The following AHRR variants were observed in gnomAD, a reference collection of about 807,000 sequenced individuals.
AHRR encodes ahR repressor.
AHRR carries 28 observed loss-of-function variants against 44.0 expected under a neutral mutation model. The observed-to-expected ratio is 0.64, with a 90% confidence interval of 0.47 to 0.87. The LOEUF (loss-of-function observed/expected upper bound fraction) is 0.87, where lower values mean the gene tolerates loss of function less well. AHRR is among the 40% of genes least tolerant of loss of function. The probability of loss-of-function intolerance (pLI) is 0.00; values close to 1 mark genes in which losing one functional copy is unlikely to be tolerated. For missense variants in AHRR, 990 were observed against 953.9 expected, an observed-to-expected ratio of 1.04 and a Z score of -0.50; for synonymous variants, 434 against 407.0, an observed-to-expected ratio of 1.07 and a Z score of -0.80.
intron 1 of AHRR, among the ~76,000 whole-genome samples, chr5:340,857 T>A (rs867894135): frequency 4.1e-4 from 60 of 147,582 alleles, no homozygotes; most frequent in African/African-American, 1.3e-3. Flanking sequence ...CCACCATGCC[T>A]GGCTAATTTT....
intron 6 of AHRR, among the ~76,000 whole-genome samples, chr5:423,476 C>T (rs1298192869): frequency 3.9e-5 from 6 of 152,168 alleles, no homozygotes; most frequent in South Asian, 4.1e-4. Flanking sequence ...TGGGTTCTCT[C>T]GCACGTATCC....
At position 354,313 on chromosome 5, in the gene AHRR, T is replaced by A. The variant is rs186142247; in HGVS notation, c.244+402T>A. Among the ~76,000 whole-genome samples the A allele has an allele frequency of 1.7e-3, 258 of 152,258 alleles. 1 individual carries two copies. Among genetic ancestry groups the A allele is most frequent in the African/African-American group, 5.8e-3 (242 of 41,560 alleles). ...GGCTCCAGGGAATGAGGGATCGGCT[T>A]TGTGGATGAGCAGGGCTGGGCATGG... On this transcript the variant is annotated intron_variant, in intron 3 of 10. Coordinates refer to ENST00000684583, the MANE Select transcript of AHRR (RefSeq NM_001377236.1).
chr5:389,697 G>A (rs1734325779), intron 4 of AHRR, among the ~76,000 whole-genome samples: 1 of 151,890 alleles, frequency 6.6e-6, no homozygotes, highest in African/African-American at 2.4e-5. Flanking sequence ...GGGTCTGACG[G>A]CCCAGAGAAA....
intron 1 of AHRR, among the ~76,000 whole-genome samples, chr5:323,150 CT>C (rs1481516370): frequency 6.6e-6 from 1 of 152,200 alleles, no homozygotes; most frequent in African/African-American, 2.4e-5. Flanking sequence ...GGGTCCTCCC[CT>C]GTCCCCCAAT....
chr5:370,209 C>T lies in AHRR; in HGVS notation c.245-6401C>T, dbSNP rs9799934. 4.0e-5 allele frequency among the ~76,000 whole-genome samples: 6 copies of T among 148,954 alleles called. No homozygotes were observed. Among genetic ancestry groups the T allele is most frequent in the Admixed American group, 6.7e-5 (1 of 14,992 alleles). On this transcript the variant is annotated intron_variant, in intron 3 of 10. Transcript: ENST00000684583. This position sits in a 1 kb window ranked among gnomAD's most constrained non-coding sequence, Gnocchi z 4.5. ...GGCCCTCGCTGGTGCCCCGTCCTCC[C>T]GGGCCCTCGCTGGAAGCCCCGTCCT...
At chr5:375,117 C>T (rs554968401) in intron 3 of AHRR, among the ~76,000 whole-genome samples, 1 of 152,362 alleles carries the variant, frequency 6.6e-6, no homozygotes, top group Admixed American at 6.5e-5. Flanking sequence ...AGGCCACACA[C>T]ATTTCAGAGC....
At chr5:327,057 T>C (rs1741737696) in intron 1 of AHRR, among the ~76,000 whole-genome samples, 1 of 152,164 alleles carries the variant, frequency 6.6e-6, no homozygotes, top group Non-Finnish European at 1.5e-5. Flanking sequence ...AGACTCTGTC[T>C]CAACAACAAC....
chr5:403,641 A>AG, intron 4 of AHRR: 1 of 416,948 alleles, frequency 2.4e-6, no homozygotes, highest in Non-Finnish European at 4.2e-6. Context: ...CCGTTTCAGA[A>AG]AAAAAAAAAA....
intron 8 of AHRR, chr5:432,091 G>A (rs1736757856): frequency 7.3e-6 from 2 of 272,292 alleles, no homozygotes; most frequent in Non-Finnish European, 1.4e-5. Context: ...ACTCACCTCA[G>A]TGTTCACTTC....
At chr5:428,128 G>T in intron 8 of AHRR, 122 bp downstream of exon 8, 1 of 1,184,792 alleles carries the variant, frequency 8.4e-7, no homozygotes, top group Non-Finnish European at 1.2e-6. Flanking sequence ...AGTCAGTTTC[G>T]TGTCGTAAAA....
intron 7 of AHRR, among the ~76,000 whole-genome samples, chr5:425,956 A>T (rs528427950): frequency 6.6e-6 from 1 of 152,272 alleles, no homozygotes; most frequent in South Asian, 2.1e-4. Context: ...CCCTCATGCC[A>T]CCCACAGGGC....
At chr5:403,503 G>A (rs759663696) in intron 4 of AHRR, among the ~76,000 whole-genome samples, 7 of 152,074 alleles carry the variant, frequency 4.6e-5, no homozygotes, top group East Asian at 1.9e-4. Flanking sequence ...GGGTGTGGTG[G>A]CGCATGCCTG....
chr5:369,203 T>TCA (rs753302756), intron 3 of AHRR, among the ~76,000 whole-genome samples: 2 of 152,296 alleles, frequency 1.3e-5, no homozygotes, highest in East Asian at 3.9e-4. Flanking sequence ...ATGCATTCCC[T>TCA]CACACTCTGT....
rs1491270820 is a variant in AHRR, at chr5:341,533, T to TG, written c.-10-2360_-10-2359insG. 7.7e-3 allele frequency among the ~76,000 whole-genome samples: 192 copies of TG among 25,098 alleles called. 1 individual carries two copies. Among genetic ancestry groups the TG allele is most frequent in the African/African-American group, 0.014 (181 of 13,340 alleles). 16.5% of individuals were successfully genotyped at this position (25,098 alleles called of 152,430 possible). A position where few individuals can be genotyped will look rare whatever the true frequency, so the allele number is the denominator to read the frequency against. ...CTTTCCTTTCCTTTCCTTTTCCTTC[T>TG]TTTTTTTTTTTTTGACAGAGCCTCA... is the stretch of plus-strand genomic sequence containing the variant. On this transcript the variant is annotated intron_variant, in intron 1 of 10. Transcript: ENST00000684583.
In AHRR at chr5:370,869, C is replaced by T. The variant is rs1267715558; in HGVS notation, c.245-5741C>T. ...GCCTGCCTTGGAGGCACCCAGAGCA[C>T]AGAGGCTGGGCCTGGTGTGGAGCTC... On this transcript the variant is annotated intron_variant, in intron 3 of 10. Coordinates refer to ENST00000684583, the MANE Select transcript of AHRR (RefSeq NM_001377236.1). This position sits in a 1 kb window ranked among gnomAD's most constrained non-coding sequence, Gnocchi z 4.5. 6.6e-6 allele frequency among the ~76,000 whole-genome samples: 1 copy of T among 152,194 alleles called. No individual in the cohort carries two copies. Among genetic ancestry groups the T allele is most frequent in the Non-Finnish European group, 1.5e-5 (1 of 68,028 alleles).
intron 3 of AHRR, among the ~76,000 whole-genome samples, chr5:359,389 G>A (rs568926678): frequency 2.7e-5 from 3 of 110,626 alleles, no homozygotes; most frequent in East Asian, 4.8e-4. Flanking sequence ...AAGAGCGCCC[G>A]CGAGTGGAGG....
chr5:376,862 C>T (rs1421338195), intron 4 of AHRR, 146 bp downstream of exon 4: 16 of 720,130 alleles, frequency 2.2e-5, no homozygotes, highest in Non-Finnish European at 3.2e-5. Flanking sequence ...TGTCAGGAAG[C>T]GTAGGCTCCA....
At chr5:380,037 T>G (rs1351552896) in intron 4 of AHRR, among the ~76,000 whole-genome samples, 1 of 152,226 alleles carries the variant, frequency 6.6e-6, no homozygotes, top group Non-Finnish European at 1.5e-5. Flanking sequence ...CAAGATTTAT[T>G]GTTTTTGCAT....
At chr5:410,070 A>G (rs1001626393) in intron 4 of AHRR, among the ~76,000 whole-genome samples, 2 of 152,210 alleles carry the variant, frequency 1.3e-5, no homozygotes, top group Admixed American at 6.5e-5. Flanking sequence ...CAGCTTGTCT[A>G]TCCTGACCTT....
Sources: gnomAD v4.1 joint callset for allele counts (sites outside exome capture counted in the v4.1 genomes callset) on GRCh38, gnomAD v4.1.1 for gene constraint, Gnocchi (gnomAD v3.1) non-coding constraint, MANE v1.5 for transcripts, NCBI Gene and HGNC (gene_info 2026-07-23, HGNC 2026-07-21) for gene names.